IQSEC3: variants seen among roughly 807,000 people sequenced by gnomAD.
The protein encoded by IQSEC3 is IQ motif and Sec7 domain ArfGEF 3.
IQSEC3 carries 50 observed loss-of-function variants against 105.4 expected under a neutral mutation model. That is an observed-to-expected ratio of 0.47 (90% CI 0.38 to 0.60). The LOEUF is 0.60. Ranked by LOEUF, IQSEC3 falls within the 20% of genes least tolerant of loss-of-function variation. The pLI, the probability that IQSEC3 is intolerant of heterozygous loss-of-function variation, is 0.00. For synonymous variants in IQSEC3, 708 were observed against 746.0 expected, an observed-to-expected ratio of 0.95 and a Z score of 0.83; for missense variants, 1,415 against 1,630.0, an observed-to-expected ratio of 0.87 and a Z score of 2.27.
chr12:109,947 C>T (rs1221481607), intron 2 of IQSEC3, among the ~76,000 whole-genome samples: 3 of 152,210 alleles, frequency 2.0e-5, no homozygotes, highest in Admixed American at 6.5e-5. Context: ...GTGCTGGGCC[C>T]TGGCCCCTGA....
intron 1 of IQSEC3, among the ~76,000 whole-genome samples, chr12:93,422 C>T (rs1864152930): frequency 6.6e-6 from 1 of 152,164 alleles, no homozygotes; most frequent in Non-Finnish European, 1.5e-5. Flanking sequence ...CTTCCTGTCC[C>T]CTGCTCACCT....
chr12:165,665 G>T, intron 10 of IQSEC3, 64 bp from the exon 11 acceptor site: 1 of 1,599,020 alleles, frequency 6.3e-7, no homozygotes. Flanking sequence ...CTCATGTCTG[G>T]CTGGCTCTGG....
chr12:108,521 C>T (rs192178122), intron 2 of IQSEC3, among the ~76,000 whole-genome samples: 327 of 152,312 alleles, frequency 2.1e-3, no homozygotes, highest in Non-Finnish European at 3.0e-3. Context: ...CTCATTCCAT[C>T]GAGTAGTGGA....
intron 11 of IQSEC3, 142 bp downstream of exon 11, chr12:166,032 T>C: frequency 1.2e-6 from 1 of 853,174 alleles, no homozygotes; most frequent in Non-Finnish European, 1.8e-6. Context: ...CGCACCACAC[T>C]CCCACAGCCC....
intron 8 of IQSEC3, among the ~76,000 whole-genome samples, chr12:162,674 C>G (rs1476836452): frequency 2.0e-5 from 3 of 152,174 alleles, no homozygotes; most frequent in African/African-American, 7.2e-5. Flanking sequence ...CTCCCTCCTC[C>G]CAGTCTGTGC....
At chr12:106,289 G>A (rs1212197539) in intron 2 of IQSEC3, among the ~76,000 whole-genome samples, 1 of 152,224 alleles carries the variant, frequency 6.6e-6, no homozygotes. Context: ...AGGGCAGGAG[G>A]ATAGCAGAAG....
chr12:102,910 C>T (rs1021974703), intron 2 of IQSEC3, among the ~76,000 whole-genome samples: 3 of 152,164 alleles, frequency 2.0e-5, no homozygotes, highest in African/African-American at 7.2e-5. Context: ...ATGGGTTCTG[C>T]TGTGCCCTGG....
chr12:91,459 T>C (rs1202838084), intron 1 of IQSEC3, among the ~76,000 whole-genome samples: 1 of 152,018 alleles, frequency 6.6e-6, no homozygotes, highest in Non-Finnish European at 1.5e-5. Context: ...GCAGCGCTAC[T>C]CCCCCATCTT....
chr12:74,493 G>A (rs1863442205), intron 1 of IQSEC3, among the ~76,000 whole-genome samples: 1 of 152,290 alleles, frequency 6.6e-6, no homozygotes, highest in Admixed American at 6.5e-5. Context: ...AGGGCAGACT[G>A]TTTTGCTGTT....
chr12:67,813 A>C (rs1863157165), intron 1 of IQSEC3, among the ~76,000 whole-genome samples: 12 of 151,690 alleles, frequency 7.9e-5, no homozygotes, highest in Admixed American at 6.5e-4. Flanking sequence ...TAAGTGAGAA[A>C]AAATTTGGAA....
At chr12:110,026 C>T (rs781805058) in intron 2 of IQSEC3, among the ~76,000 whole-genome samples, 1 of 152,092 alleles carries the variant, frequency 6.6e-6, no homozygotes, top group Non-Finnish European at 1.5e-5. Context: ...CAACAGCTTT[C>T]AGCAGCCAGC....
intron 2 of IQSEC3, among the ~76,000 whole-genome samples, chr12:108,047 C>G (rs1469362667): frequency 6.6e-6 from 1 of 152,226 alleles, no homozygotes; most frequent in Admixed American, 6.5e-5. Flanking sequence ...AGTTTAACTT[C>G]TACCTCCAGG....
chr12:162,559 T>C (rs1037607416), intron 8 of IQSEC3, among the ~76,000 whole-genome samples: 1 of 152,226 alleles, frequency 6.6e-6, no homozygotes, highest in Non-Finnish European at 1.5e-5. Context: ...CTACACTTTA[T>C]ACTATAAAGG....
chr12:168,918 C>CTT, intron 11 of IQSEC3, 95 bp from the exon 12 acceptor site: 1 of 1,045,052 alleles, frequency 9.6e-7, no homozygotes, highest in Non-Finnish European at 1.5e-6. Context: ...CTCTCCTCCT[C>CTT]TTCCTCCCCT....
intron 8 of IQSEC3, among the ~76,000 whole-genome samples, chr12:162,606 T>G (rs1866944523): frequency 6.6e-6 from 1 of 152,210 alleles, no homozygotes; most frequent in Admixed American, 6.5e-5. Context: ...CCTCATATTC[T>G]TGCCTCAGGG....
chr12:120,226 T>C (rs1476473185), intron 2 of IQSEC3, among the ~76,000 whole-genome samples: 10 of 152,158 alleles, frequency 6.6e-5, no homozygotes, highest in African/African-American at 2.4e-4. Context: ...TGACTCCTCC[T>C]GGGGAAGTGA....
chr12:93,236 G>T (rs1555073951), intron 1 of IQSEC3, among the ~76,000 whole-genome samples: 6 of 152,298 alleles, frequency 3.9e-5, no homozygotes, highest in African/African-American at 1.4e-4. Context: ...AGCTTCACTG[G>T]GGTTTGAGGG....
At chr12:160,340 G>T (rs1555095787) in intron 7 of IQSEC3, among the ~76,000 whole-genome samples, 2 of 152,070 alleles carry the variant, frequency 1.3e-5, no homozygotes, top group African/African-American at 4.8e-5. Flanking sequence ...CTTTCTTGTA[G>T]GGTGATTTAC....
intron 2 of IQSEC3, among the ~76,000 whole-genome samples, chr12:110,214 T>C (rs2136941946): frequency 6.6e-6 from 1 of 152,316 alleles, no homozygotes; most frequent in South Asian, 2.1e-4. Flanking sequence ...ACAAAAACCT[T>C]CTGAGCTTCC....
Sources: gnomAD v4.1 joint callset for allele counts (sites outside exome capture counted in the v4.1 genomes callset) on GRCh38, gnomAD v4.1.1 for gene constraint, MANE v1.5 for transcripts, NCBI Gene and HGNC (gene_info 2026-07-23, HGNC 2026-07-21) for gene names.